DTWD2: variants seen among roughly 807,000 people sequenced by gnomAD.
DTWD2 encodes the protein tRNA-uridine aminocarboxypropyltransferase 2.
Under a neutral mutation model 31.8 loss-of-function variants are expected in DTWD2, and 39 were observed. That is an observed-to-expected ratio of 1.22 (90% confidence interval 0.95 to 1.60). The LOEUF (loss-of-function observed/expected upper bound fraction) is 1.60. DTWD2 is among the 40% of genes most tolerant of loss of function. The pLI is 0.00. For synonymous variants in DTWD2, 180 were observed against 142.8 expected, an observed-to-expected ratio of 1.26 and a Z score of -1.86; for missense variants, 515 against 381.5, an observed-to-expected ratio of 1.35 and a Z score of -2.92.
At chr5:118,983,247 A>C (rs1755347261) in intron 1 of DTWD2, among the ~76,000 whole-genome samples, 1 of 152,184 alleles carries the variant, frequency 6.6e-6, no homozygotes, top group African/African-American at 2.4e-5. Context: ...GATCATGCCC[A>C]ATATACGGGC....
chr5:118,875,049 C>T (rs1194880476), intron 4 of DTWD2, among the ~76,000 whole-genome samples: 1 of 152,118 alleles, frequency 6.6e-6, no homozygotes, highest in Non-Finnish European at 1.5e-5. Context: ...AAATTGGAGG[C>T]CAATATTCAA....
intron 1 of DTWD2, among the ~76,000 whole-genome samples, chr5:118,981,234 G>C (rs1306136279): frequency 6.6e-6 from 1 of 152,136 alleles, no homozygotes; most frequent in Non-Finnish European, 1.5e-5. Context: ...AGTTTATGTT[G>C]GGATGATGAA....
At chr5:118,911,649 G>C (rs1017033086) in intron 4 of DTWD2, among the ~76,000 whole-genome samples, 2 of 152,112 alleles carry the variant, frequency 1.3e-5, no homozygotes, top group African/African-American at 2.4e-5. Context: ...AATGTGGTGT[G>C]TGTATATATA....
At chr5:118,869,944 A>T (rs1752465858) in intron 4 of DTWD2, among the ~76,000 whole-genome samples, 1 of 152,114 alleles carries the variant, frequency 6.6e-6, no homozygotes, top group Non-Finnish European at 1.5e-5. Flanking sequence ...ATGATGTGTG[A>T]TCCTTGCTTT....
chr5:118,841,182 T>C (rs1303801366), intron 5 of DTWD2, 95 bp from the exon 6 acceptor site: 3 of 1,403,196 alleles, frequency 2.1e-6, no homozygotes, highest in Middle Eastern at 1.8e-4. Flanking sequence ...ACTATGTTTC[T>C]TTTATTATGA....
chr5:118,848,978 T>C (rs1751932645), intron 4 of DTWD2, among the ~76,000 whole-genome samples: 2 of 152,168 alleles, frequency 1.3e-5, no homozygotes, highest in African/African-American at 2.4e-5. Flanking sequence ...AAAGACTTTA[T>C]GACTAAAACA....
intron 1 of DTWD2, among the ~76,000 whole-genome samples, chr5:118,953,995 G>A (rs557078963): frequency 4.6e-5 from 7 of 152,292 alleles, no homozygotes; most frequent in African/African-American, 9.6e-5. Context: ...CCAAGGCAAG[G>A]CATGGTGGCT....
At chr5:118,936,892 A>G (rs1754057973) in intron 3 of DTWD2, among the ~76,000 whole-genome samples, 1 of 152,150 alleles carries the variant, frequency 6.6e-6, no homozygotes, top group African/African-American at 2.4e-5. Flanking sequence ...TCAGGAATTA[A>G]AAGAGGTTAC....
At chr5:118,947,758 G>A (rs574614944) in intron 1 of DTWD2, among the ~76,000 whole-genome samples, 3 of 152,212 alleles carry the variant, frequency 2.0e-5, no homozygotes, top group Admixed American at 2.0e-4. Context: ...TCTGCCTCCT[G>A]TTCCTATCAC....
intron 4 of DTWD2, among the ~76,000 whole-genome samples, chr5:118,907,094 T>C (rs1753349397): frequency 6.6e-6 from 1 of 152,194 alleles, no homozygotes; most frequent in South Asian, 2.1e-4. Context: ...CACAGAACCA[T>C]GCTCCAATAG....
At chr5:118,979,865 A>G (rs892201952) in intron 1 of DTWD2, among the ~76,000 whole-genome samples, 4 of 152,256 alleles carry the variant, frequency 2.6e-5, no homozygotes, top group African/African-American at 9.6e-5. Flanking sequence ...AGGGGGTGGG[A>G]GAGCATCAGG....
intron 1 of DTWD2, among the ~76,000 whole-genome samples, chr5:118,975,570 T>C (rs1392154138): frequency 6.6e-6 from 1 of 152,176 alleles, no homozygotes. Flanking sequence ...GTTCCCTTGG[T>C]GGTGAAGAGC....
intron 4 of DTWD2, among the ~76,000 whole-genome samples, chr5:118,901,564 T>C (rs1414221962): frequency 3.9e-5 from 6 of 152,002 alleles, no homozygotes; most frequent in Non-Finnish European, 7.4e-5. Flanking sequence ...TATATTAGAG[T>C]ATATTAGAGT....
At chr5:118,911,228 C>T (rs1305281560) in intron 4 of DTWD2, among the ~76,000 whole-genome samples, 3 of 152,100 alleles carry the variant, frequency 2.0e-5, no homozygotes, top group East Asian at 1.9e-4. Flanking sequence ...CACTGGAGCA[C>T]CCGAAAAGAA....
chr5:118,968,414 G>C (rs1754903616), intron 1 of DTWD2, among the ~76,000 whole-genome samples: 1 of 152,178 alleles, frequency 6.6e-6, no homozygotes, highest in Non-Finnish European at 1.5e-5. Context: ...AACGGCAAAT[G>C]AAATTCTGAA....
intron 4 of DTWD2, among the ~76,000 whole-genome samples, chr5:118,888,806 G>A (rs534151930): frequency 6.6e-6 from 1 of 152,276 alleles, no homozygotes; most frequent in African/African-American, 2.4e-5. Context: ...TCTAACAGGG[G>A]TGTAATGGTA....
intron 4 of DTWD2, among the ~76,000 whole-genome samples, chr5:118,878,004 AC>A (rs1214207998): frequency 2.0e-5 from 3 of 152,184 alleles, no homozygotes; most frequent in Non-Finnish European, 4.4e-5. Flanking sequence ...AAAGATCTCT[AC>A]AAGGAGAACT....
At chr5:118,931,601 T>C (rs953711760) in intron 3 of DTWD2, among the ~76,000 whole-genome samples, 17 of 151,972 alleles carry the variant, frequency 1.1e-4, no homozygotes, top group East Asian at 3.9e-4. Context: ...CAAAAACCAA[T>C]AGAACTGAAA....
intron 1 of DTWD2, among the ~76,000 whole-genome samples, chr5:118,953,840 T>C (rs940315357): frequency 3.3e-5 from 5 of 152,194 alleles, no homozygotes; most frequent in African/African-American, 1.2e-4. Flanking sequence ...TATATCTTTC[T>C]GGTATTAGGT....
Sources: gnomAD v4.1 joint callset for allele counts (sites outside exome capture counted in the v4.1 genomes callset) on GRCh38, gnomAD v4.1.1 for gene constraint, MANE v1.5 for transcripts, NCBI Gene and HGNC (gene_info 2026-07-23, HGNC 2026-07-21) for gene names.